Variants in DENND4C observed in about 807,000 individuals in gnomAD.
The protein encoded by DENND4C is DENN domain-containing protein 4C.
DENND4C carries 108 observed loss-of-function variants against 203.0 expected under a neutral mutation model. That is an observed-to-expected ratio of 0.53 (90% confidence interval 0.46 to 0.62). The LOEUF is 0.62. DENND4C is among the 20% of genes least tolerant of loss of function. The pLI, the probability that DENND4C is intolerant of heterozygous loss-of-function variation, is 0.00. For synonymous variants in DENND4C, 871 were observed against 792.4 expected (o/e 1.10, Z -1.67); for missense variants, 2,481 against 2,301.2 (o/e 1.08, Z -1.60).
rs1329601651 is a variant in DENND4C, at chr9:19,325,923, T to A, written c.1954-16T>A. The A allele has an allele frequency of 5.6e-6, 9 of 1,595,466 alleles. No homozygotes were observed. The highest frequency in any genetic ancestry group is 6.8e-6 in the Non-Finnish European group (8 of 1,170,512). ...AGTGGACATTTTCATTAAGAATCTG[T>A]TTTCTTTTTTTCTAGTTGTTTCCTG... On this transcript the variant is annotated splice_polypyrimidine_tract_variant and intron_variant, in intron 13 of 32. Coordinates refer to ENST00000434457, the MANE Select transcript of DENND4C (RefSeq NM_001330640.2).
In DENND4C at chr9:19,373,384, C is replaced by T. The variant is rs1198124649; in HGVS notation, c.*1211C>T. On this transcript the variant is annotated 3_prime_UTR_variant, in exon 33 of 33. Coordinates refer to ENST00000434457, the MANE Select transcript of DENND4C (RefSeq NM_001330640.2). Reference sequence around the variant, plus strand: ...AATTCATTGGAATGTGCTTAAAATGCTAAAGTGTATGTCATTGAACATGAA... The same window carrying T: ...AATTCATTGGAATGTGCTTAAAATGTTAAAGTGTATGTCATTGAACATGAA... 1 of 152,596 alleles carries T rather than the reference C, an allele frequency of 6.6e-6. No individual in the cohort carries two copies. Among genetic ancestry groups the T allele is most frequent in the Non-Finnish European group, 1.5e-5 (1 of 68,028 alleles). The allele number at this position is 152,596 out of a possible 1,614,324, so 9.5% of individuals were successfully genotyped here.
chr9:19,370,018 A>G, intron 31 of DENND4C, 31 bp downstream of exon 31: 1 of 1,610,276 alleles, frequency 6.2e-7, no homozygotes, highest in Non-Finnish European at 8.5e-7. Context: ...GCTTGCCACC[A>G]CTCAGTCATT....
intron 1 of DENND4C, among the ~76,000 whole-genome samples, chr9:19,264,158 C>A (rs1485925288): frequency 6.6e-6 from 1 of 152,160 alleles, no homozygotes; most frequent in Non-Finnish European, 1.5e-5. Context: ...AGACTTCTTA[C>A]TACTGCTTCA....
chr9:19,306,912 C>T (rs1563785840), intron 10 of DENND4C, among the ~76,000 whole-genome samples: 1 of 151,788 alleles, frequency 6.6e-6, no homozygotes, highest in South Asian at 2.1e-4. Flanking sequence ...TTCCGAGTAG[C>T]GGGAATTAAC....
intron 1 of DENND4C, among the ~76,000 whole-genome samples, chr9:19,270,493 A>C (rs1457064905): frequency 1.3e-5 from 2 of 152,214 alleles, no homozygotes; most frequent in African/African-American, 4.8e-5. Context: ...AAGACAAAGC[A>C]GGGTTTTTCT....
chr9:19,287,459 C>T (rs917740161), intron 3 of DENND4C, among the ~76,000 whole-genome samples: 1 of 151,788 alleles, frequency 6.6e-6, no homozygotes, highest in African/African-American at 2.4e-5. Flanking sequence ...CTCACTGCAG[C>T]CTTGACCCCC....
intron 1 of DENND4C, among the ~76,000 whole-genome samples, chr9:19,238,860 T>G (rs1822968489): frequency 6.7e-6 from 1 of 150,230 alleles, no homozygotes; most frequent in Non-Finnish European, 1.5e-5. Context: ...ACTATGTTGG[T>G]CAGGCTGGTC....
At position 19,276,407 on chromosome 9, in the gene DENND4C, G is replaced by T; in HGVS notation, c.233G>T (p.Gly78Val). ...PSALQANLNY[G>V]SLKSPELFLC... ...GCTCTCCAAGCAAACTTGAACTATG[G>T]AAGTCTGAAAAGCCCAGAACTTTTC... is the stretch of plus-strand genomic sequence containing the variant. The change falls in exon 2 of 33, where the codon GGA becomes GTA. Residue 78 changes from glycine to valine, a missense_variant. By Grantham distance (109) the Gly-to-Val change is moderately radical. Around this residue, in one of 3 missense-constraint regions of DENND4C, gnomAD observed 187 missense variants for 167.4 expected, o/e 1.12. Transcript: ENST00000434457. The T allele has an allele frequency of 8.1e-7, 1 of 1,232,092 alleles. No individual in the cohort carries two copies. The highest frequency in any genetic ancestry group is 1.0e-6 in the Non-Finnish European group (1 of 987,930). 76.3% of individuals were successfully genotyped at this position (1,232,092 alleles called of 1,614,324 possible). A position where few individuals can be genotyped will look rare whatever the true frequency, so the allele number is the denominator to read the frequency against.
At chr9:19,326,016 A>G in intron 14 of DENND4C, 42 bp downstream of exon 14, 1 of 1,608,304 alleles carries the variant, frequency 6.2e-7, no homozygotes, top group South Asian at 1.1e-5. Flanking sequence ...TTTCAGAATT[A>G]GATCTTGTTT....
rs776296924 is a variant in DENND4C, at chr9:19,331,992, T to G, written c.2268T>G (p.Ala756=). 24 of 1,613,420 alleles carry G rather than the reference T, an allele frequency of 1.5e-5. 1 individual carries two copies. In the Middle Eastern group the frequency reaches 1.2e-3, roughly 77 times the overall value. The change falls in exon 17 of 33, where the codon GCT becomes GCG. Residue 756 remains alanine, a synonymous_variant. Coordinates refer to ENST00000434457, the MANE Select transcript of DENND4C (RefSeq NM_001330640.2). ...AKRTKQEIKT[A]HKLAKRCYTN... ...TCTCTTTCTAGGAAATAAAAACAGC[T>G]CATAAATTGGCGAAGAGATGTTATA...
Position 19,369,953 on chromosome 9 carries a change from T to C in DENND4C, c.5641T>C (p.Ser1881Pro). Reference protein sequence around the residue: ...NNVLKPINLLSQQMKPGMKRQ... With the variant: ...NNVLKPINLLPQQMKPGMKRQ... ...TGTTCTTAAACCCATCAACCTACTT[T>C]CACAGCAAATGAAGCCAGGCATGAA... The change falls in exon 31 of 33, where the codon TCA (serine) becomes CCA (proline). Residue 1881 changes from serine to proline, a missense_variant. By Grantham distance (74) the Ser-to-Pro change is moderately conservative (BLOSUM62 -1). Transcript: ENST00000434457. 3 of 1,613,912 alleles carry C rather than the reference T, an allele frequency of 1.9e-6. No homozygotes were observed. The highest frequency in any genetic ancestry group is 2.5e-6 in the Non-Finnish European group (3 of 1,179,936).
intron 9 of DENND4C, among the ~76,000 whole-genome samples, chr9:19,300,667 C>G (rs116598165): frequency 3.3e-5 from 5 of 152,186 alleles, no homozygotes; most frequent in African/African-American, 1.2e-4. Context: ...TTCAGCTGTT[C>G]TAAAATTATG....
chr9:19,273,461 C>G (rs1832197025), intron 1 of DENND4C, among the ~76,000 whole-genome samples: 1 of 151,996 alleles, frequency 6.6e-6, no homozygotes, highest in South Asian at 2.1e-4. Flanking sequence ...TCAAAAACCT[C>G]TGTTTTTCAT....
chr9:19,322,762 A>G lies in DENND4C; in HGVS notation c.1808-1600A>G, dbSNP rs1015585693. Among the ~76,000 whole-genome samples the G allele has an allele frequency of 2.1e-4, 31 of 150,840 alleles. No homozygotes were observed. In the East Asian group the frequency reaches 5.9e-3, roughly 28 times the overall value. ...AAAAAAAAAAAAAAATAAGGGGGCCAGTGGATTGGAGATTTCCATGAGCCT... is the reference window on the plus strand; with the variant it reads ...AAAAAAAAAAAAAAATAAGGGGGCCGGTGGATTGGAGATTTCCATGAGCCT... On this transcript the variant is annotated intron_variant, in intron 12 of 32. Transcript: ENST00000434457.
intron 7 of DENND4C, among the ~76,000 whole-genome samples, chr9:19,298,600 C>T (rs777566704): frequency 3.3e-5 from 5 of 152,092 alleles, no homozygotes; most frequent in Non-Finnish European, 7.4e-5. Context: ...GGTCTATATC[C>T]TCTCTATAAT....
intron 1 of DENND4C, among the ~76,000 whole-genome samples, chr9:19,264,788 A>G (rs1830149720): frequency 6.6e-6 from 1 of 150,920 alleles, no homozygotes; most frequent in African/African-American, 2.4e-5. Context: ...TTCTGTTTCA[A>G]TTTGATTTAT....
intron 1 of DENND4C, among the ~76,000 whole-genome samples, chr9:19,238,291 A>G (rs1188727934): frequency 2.0e-5 from 3 of 151,700 alleles, no homozygotes; most frequent in Non-Finnish European, 2.9e-5. Context: ...CATGTTGGTC[A>G]GGCTGGTCTC....
intron 17 of DENND4C, among the ~76,000 whole-genome samples, chr9:19,333,385 A>G (rs904735869): frequency 6.6e-6 from 1 of 152,128 alleles, no homozygotes; most frequent in Non-Finnish European, 1.5e-5. Context: ...CTTTGGCACT[A>G]TTGATATTTT....
intron 1 of DENND4C, among the ~76,000 whole-genome samples, chr9:19,237,568 A>G (rs1186842655): frequency 1.3e-5 from 2 of 151,986 alleles, no homozygotes; most frequent in East Asian, 3.9e-4. Flanking sequence ...TGTGTTAGCC[A>G]GGATGGTTAC....
Sources: gnomAD v4.1 joint callset for allele counts (sites outside exome capture counted in the v4.1 genomes callset) on GRCh38, gnomAD v4.1.1 for gene constraint, gnomAD v4.1.1 regional missense constraint, MANE v1.5 for transcripts, NCBI Gene and HGNC (gene_info 2026-07-23, HGNC 2026-07-21) for gene names.